The following PRKN variants were observed in gnomAD, a reference collection of about 807,000 sequenced individuals.
PRKN encodes parkin RBR E3 ubiquitin protein ligase.
In PRKN, 56 loss-of-function variants were observed where a neutral mutation model predicts 59.5. The observed-to-expected ratio is 0.94, with a 90% CI of 0.76 to 1.18. The LOEUF (loss-of-function observed/expected upper bound fraction) is 1.18. Ranked by LOEUF, PRKN falls within the 50% of genes most tolerant of loss-of-function variation. The probability of loss-of-function intolerance (pLI) is 0.00; values close to 1 mark genes in which losing one functional copy is unlikely to be tolerated. For missense variants in PRKN, 657 were observed against 596.4 expected, an observed-to-expected ratio of 1.10 and a Z score of -1.06; for synonymous variants, 250 against 222.1, an observed-to-expected ratio of 1.13 and a Z score of -1.12.
At chr6:162,600,429 T>C (rs141067496) in intron 1 of PRKN, among the ~76,000 whole-genome samples, 1 of 152,350 alleles carries the variant, frequency 6.6e-6, no homozygotes, top group Non-Finnish European at 1.5e-5. Context: ...AAAGAAGATG[T>C]GAACATTTTT....
chr6:162,099,384 G>A (rs1779874510), intron 4 of PRKN, among the ~76,000 whole-genome samples: 1 of 152,178 alleles, frequency 6.6e-6, no homozygotes, highest in Non-Finnish European at 1.5e-5. Flanking sequence ...AAGTTAAACT[G>A]TTTTTTACTG....
rs1780640606 is a variant in PRKN at position 161,566,315 on chromosome 6, A to G, written c.933+3040T>C. On this transcript the variant is annotated intron_variant, in intron 8 of 11. Coordinates refer to ENST00000366898, the MANE Select transcript of PRKN (RefSeq NM_004562.3). The surrounding 1 kb of genome is among the most constrained non-coding windows in gnomAD (Gnocchi z 4.1). ...CTCATCCTTGTCCTTCTTGCTGAGC[A>G]TAGGACACAGATCATGATTCCTCCT... Among the ~76,000 whole-genome samples, 1 of 152,170 alleles carries G rather than the reference A, an allele frequency of 6.6e-6. No homozygotes were observed. The highest frequency in any genetic ancestry group is 1.5e-5 in the Non-Finnish European group (1 of 68,024).
In PRKN at chr6:161,872,961, C is replaced by CTTT. The variant is rs112827816; in HGVS notation, c.735-87056_735-87054dup. 4.0e-3 allele frequency among the ~76,000 whole-genome samples: 565 copies of CTTT among 139,602 alleles called. 3 individuals carry two copies. Among genetic ancestry groups the CTTT allele is most frequent in the African/African-American group, 7.3e-3 (270 of 37,214 alleles). The allele number at this position is 139,602 out of a possible 152,430, so 91.6% of individuals were successfully genotyped here. On this transcript the variant is annotated intron_variant, in intron 6 of 11. Transcript: ENST00000366898. ...ATGGCTGTAAGACATACAGTAATGA[C>CTTT]TTTTTTTTTTTTTCCAAAAAACCTA...
chr6:161,807,757 C>T (rs1180284469), intron 6 of PRKN, among the ~76,000 whole-genome samples: 2 of 152,180 alleles, frequency 1.3e-5, no homozygotes, highest in African/African-American at 2.4e-5. Context: ...CCTATAAGGA[C>T]ACCAGTTAGA....
rs997154441 is a variant in PRKN at position 161,475,953 on chromosome 6, A to G, written c.1083+72901T>C. Among the ~76,000 whole-genome samples the G allele has an allele frequency of 3.3e-5, 5 of 152,158 alleles. No homozygotes were observed. Among genetic ancestry groups the G allele is most frequent in the East Asian group, 3.9e-4 (2 of 5,174 alleles). ...TGTAATCCCAGCATTTTGGGAGGCC[A>G]AGGTGGGCGGATCACGAGGTCAGGA... On this transcript the variant is annotated intron_variant, in intron 9 of 11. Coordinates refer to ENST00000366898, the MANE Select transcript of PRKN (RefSeq NM_004562.3). This position sits in a 1 kb window ranked among gnomAD's most constrained non-coding sequence, Gnocchi z 5.3.
intron 4 of PRKN, among the ~76,000 whole-genome samples, chr6:162,199,935 G>C (rs555992946): frequency 6.6e-6 from 1 of 152,222 alleles, no homozygotes; most frequent in East Asian, 1.9e-4. Context: ...CGAACCAGAT[G>C]AAATGCGCCT....
At position 161,431,714 on chromosome 6, in the gene PRKN, G is replaced by C. The variant is rs536367955; in HGVS notation, c.1084-44837C>G. ...TGCAACCTCCGCCTCCCGGGTTCAA[G>C]AGATTCTCCTGGCTCAGCCTCCCGA... On this transcript the variant is annotated intron_variant, in intron 9 of 11. Transcript: ENST00000366898. 2.0e-5 allele frequency among the ~76,000 whole-genome samples: 3 copies of C among 152,088 alleles called. No homozygotes were observed. The South Asian group carries it at 6.2e-4, about 32-fold the overall frequency.
intron 5 of PRKN, among the ~76,000 whole-genome samples, chr6:162,034,623 G>A (rs1783770984): frequency 6.6e-6 from 1 of 152,136 alleles, no homozygotes. Flanking sequence ...TACTGATTTT[G>A]TTAACACACT....
rs1412594408 is a variant in PRKN at position 161,905,625 on chromosome 6, C to T, written c.734+67677G>A. Among the ~76,000 whole-genome samples, 4 of 151,960 alleles carry T rather than the reference C, an allele frequency of 2.6e-5. No individual in the cohort carries two copies. The East Asian group carries it at 7.7e-4, about 29-fold the overall frequency. ...TGGAATTTTCTTACTGAATCCCCTGCCTTCCTTTATCTTGGGTTTTATTTA... is the reference window on the plus strand; with the variant it reads ...TGGAATTTTCTTACTGAATCCCCTGTCTTCCTTTATCTTGGGTTTTATTTA... On this transcript the variant is annotated intron_variant, in intron 6 of 11. Transcript: ENST00000366898.
At position 161,545,226 on chromosome 6, in the gene PRKN, T is replaced by C. The variant is rs1779754524; in HGVS notation, c.1083+3628A>G. On this transcript the variant is annotated intron_variant, in intron 9 of 11. Transcript: ENST00000366898. This position sits in a 1 kb window ranked among gnomAD's most constrained non-coding sequence, Gnocchi z 4.1. ...TCTTGATAATTGAGGGAAAAAAAAA[T>C]TAAGCACGGGTGAATTCACAGGCAT... is the stretch of plus-strand genomic sequence containing the variant. The C allele has an allele frequency of 7.5e-6, 10 of 1,330,134 alleles. No homozygotes were observed. The highest frequency in any genetic ancestry group is 9.6e-6 in the Non-Finnish European group (10 of 1,040,492). The allele number at this position is 1,330,134 out of a possible 1,614,324, so 82.4% of individuals were successfully genotyped here. A position where few individuals can be genotyped will look rare whatever the true frequency, so the allele number is the denominator to read the frequency against.
chr6:161,742,886 T>C (rs1788246667), intron 7 of PRKN, among the ~76,000 whole-genome samples: 1 of 152,096 alleles, frequency 6.6e-6, no homozygotes, highest in Non-Finnish European at 1.5e-5. Context: ...GCCCACCCTT[T>C]CTCTGAAGGC....
At chr6:162,549,665 GT>G (rs1164655507) in intron 1 of PRKN, among the ~76,000 whole-genome samples, 1 of 139,958 alleles carries the variant, frequency 7.1e-6, no homozygotes, top group East Asian at 2.1e-4. Context: ...TTTTGACCGA[GT>G]CTTGCTCTGT....
At chr6:162,680,876 T>C (rs867046678) in intron 1 of PRKN, among the ~76,000 whole-genome samples, 1 of 152,164 alleles carries the variant, frequency 6.6e-6, no homozygotes, top group South Asian at 2.1e-4. Context: ...TAATATAAAC[T>C]GTTTTCCGAA....
intron 1 of PRKN, among the ~76,000 whole-genome samples, chr6:162,642,524 A>T (rs1210603267): frequency 6.6e-6 from 1 of 152,074 alleles, no homozygotes; most frequent in Non-Finnish European, 1.5e-5. Flanking sequence ...ATTGGTCAAA[A>T]CTGTAATTCA....
chr6:162,678,476 A>C (rs1054400623), intron 1 of PRKN, among the ~76,000 whole-genome samples: 1 of 152,104 alleles, frequency 6.6e-6, no homozygotes, highest in African/African-American at 2.4e-5. Context: ...GCATCTTTCA[A>C]ATTTCAGAAT....
At chr6:161,601,614 G>A (rs1045069414) in intron 7 of PRKN, among the ~76,000 whole-genome samples, 8 of 146,588 alleles carry the variant, frequency 5.5e-5, no homozygotes, top group African/African-American at 1.0e-4. Context: ...ACGGAGTTTC[G>A]CTCTGTAGCC....
chr6:161,834,452 C>A (rs935460637), intron 6 of PRKN, among the ~76,000 whole-genome samples: 1 of 152,152 alleles, frequency 6.6e-6, no homozygotes, highest in African/African-American at 2.4e-5. Context: ...CCTGCGGTAA[C>A]TAGGCATTGT....
chr6:162,668,998 G>A (rs1476345213), intron 1 of PRKN, among the ~76,000 whole-genome samples: 2 of 152,108 alleles, frequency 1.3e-5, no homozygotes, highest in Non-Finnish European at 2.9e-5. Context: ...TCCCGTTTGA[G>A]AATCTGAAGT....
At chr6:162,336,461 A>G (rs1783851034) in intron 2 of PRKN, among the ~76,000 whole-genome samples, 1 of 152,184 alleles carries the variant, frequency 6.6e-6, no homozygotes, top group Non-Finnish European at 1.5e-5. Context: ...GACAGTGCCA[A>G]CTGCCAAGTA....
Sources: allele counts gnomAD v4.1 joint callset (sites outside exome capture counted in the v4.1 genomes callset), GRCh38; gene constraint gnomAD v4.1.1; non-coding constraint Gnocchi (gnomAD v3.1); transcripts MANE v1.5; gene names NCBI Gene and HGNC (gene_info 2026-07-23, HGNC 2026-07-21).